Variants in PCDH15 observed in about 807,000 individuals in gnomAD.
The protein encoded by PCDH15 is protocadherin-15.
PCDH15 carries 129 observed loss-of-function variants against 178.5 expected under a neutral mutation model. The observed-to-expected ratio is 0.72, with a 90% confidence interval of 0.63 to 0.84. The LOEUF is 0.84. Among genes scored for constraint, PCDH15 ranks in the 40% least tolerant of loss-of-function variants. The probability of loss-of-function intolerance (pLI) is 0.00; values close to 1 mark genes in which losing one functional copy is unlikely to be tolerated. For synonymous variants in PCDH15, 800 were observed against 732.0 expected, an observed-to-expected ratio of 1.09 and a Z score of -1.50; for missense variants, 2,230 against 2,099.9, an observed-to-expected ratio of 1.06 and a Z score of -1.21.
intron 1 of PCDH15, among the ~76,000 whole-genome samples, chr10:54,721,639 A>G (rs571239439): frequency 6.6e-6 from 1 of 151,864 alleles, no homozygotes; most frequent in Non-Finnish European, 1.5e-5. Context: ...GCATTTCTAG[A>G]AAAACAGACA....
Position 54,538,661 on chromosome 10 carries a change from G to A in PCDH15, c.92-10784C>T, listed in dbSNP as rs184682121. On this transcript the variant is annotated intron_variant, in intron 2 of 37. Coordinates refer to ENST00000644397, the MANE Select transcript of PCDH15 (RefSeq NM_001384140.1). Reference sequence around the variant, plus strand: ...GGTGGGATAAAACTGGATCATGGGTGTAGGATTTGCCCTTGCTGTTCTTGT... The same window carrying A: ...GGTGGGATAAAACTGGATCATGGGTATAGGATTTGCCCTTGCTGTTCTTGT... Among the ~76,000 whole-genome samples the A allele has an allele frequency of 9.5e-3, 1,448 of 152,230 alleles. 19 individuals are homozygous for A. The highest frequency in any genetic ancestry group is 0.033 in the African/African-American group (1,367 of 41,536).
At chr10:54,886,866 C>A (rs1298789612) in intron 3 of PCDH15, among the ~76,000 whole-genome samples, 3 of 152,208 alleles carry the variant, frequency 2.0e-5, no homozygotes, top group African/African-American at 7.2e-5. Flanking sequence ...CCATTTCTGT[C>A]CACATTTCTA....
intron 2 of PCDH15, among the ~76,000 whole-genome samples, chr10:55,112,408 C>T (rs371694108): frequency 2.6e-5 from 4 of 151,582 alleles, no homozygotes; most frequent in African/African-American, 4.8e-5. Flanking sequence ...ATTGGGAAAG[C>T]GAAGCAGGAA....
intron 2 of PCDH15, among the ~76,000 whole-genome samples, chr10:54,604,094 T>C (rs1221534208): frequency 6.6e-6 from 1 of 152,046 alleles, no homozygotes; most frequent in East Asian, 1.9e-4. Flanking sequence ...GGTTTCTTGT[T>C]TCTTTACCAT....
chr10:55,471,200 C>T (rs905460881), intron 2 of PCDH15, among the ~76,000 whole-genome samples: 21 of 152,116 alleles, frequency 1.4e-4, no homozygotes, highest in African/African-American at 5.1e-4. Flanking sequence ...ACTCTTTTTC[C>T]CCTAAAGTTT....
At chr10:54,004,724 T>C (rs1334756061) in intron 20 of PCDH15, among the ~76,000 whole-genome samples, 1 of 152,024 alleles carries the variant, frequency 6.6e-6, no homozygotes, top group African/African-American at 2.4e-5. Context: ...AAAATGTCCA[T>C]ACTACTCAAA....
intron 2 of PCDH15, among the ~76,000 whole-genome samples, chr10:54,997,792 T>C (rs1308094524): frequency 1.3e-5 from 2 of 152,100 alleles, no homozygotes; most frequent in Non-Finnish European, 2.9e-5. Flanking sequence ...CTAGATAAAC[T>C]GCTAAAAAAA....
At chr10:55,485,653 C>T (rs1840279048) in intron 2 of PCDH15, among the ~76,000 whole-genome samples, 1 of 151,372 alleles carries the variant, frequency 6.6e-6, no homozygotes, top group Non-Finnish European at 1.5e-5. Flanking sequence ...TATATATATG[C>T]CAAGGATTTA....
rs755874514 is a variant in PCDH15 at position 54,752,476 on chromosome 10, CAAAAAAAAAAAA to C, written c.-29+48437_-29+48448del. ...TGGGTGACAGAACGAGACTCCGTCT[CAAAAAAAAAAAA>C]AAACAAAAAACAAAAAACAAAAAAC... On this transcript the variant is annotated intron_variant, in intron 1 of 37. Transcript: ENST00000644397. 5.9e-4 allele frequency among the ~76,000 whole-genome samples: 53 copies of C among 89,766 alleles called. 1 individual carries two copies. The highest frequency in any genetic ancestry group is 1.2e-3 in the Non-Finnish European group (48 of 40,176). 58.9% of individuals were successfully genotyped at this position (89,766 alleles called of 152,430 possible).
intron 1 of PCDH15, among the ~76,000 whole-genome samples, chr10:54,754,309 C>A (rs1946767297): frequency 6.6e-6 from 1 of 152,008 alleles, no homozygotes; most frequent in Non-Finnish European, 1.5e-5. Context: ...AACATTGAGC[C>A]AAGGATGAAT....
intron 1 of PCDH15, among the ~76,000 whole-genome samples, chr10:54,736,931 A>C (rs969945143): frequency 6.6e-6 from 1 of 152,062 alleles, no homozygotes; most frequent in African/African-American, 2.4e-5. Context: ...GTCTTCAAAA[A>C]GGTCAAATAA....
intron 15 of PCDH15, among the ~76,000 whole-genome samples, chr10:54,105,117 A>G (rs4641370): frequency 0.6 from 89,381 of 149,956 alleles, 27,518 homozygotes; most frequent in Middle Eastern, 0.68. Context: ...ATCATATTAA[A>G]CAGCCAACTC....
At chr10:55,256,689 C>T (rs1375338606) in intron 1 of PCDH15, among the ~76,000 whole-genome samples, 1 of 152,200 alleles carries the variant, frequency 6.6e-6, no homozygotes, top group East Asian at 1.9e-4. Context: ...GGGCGCCCGC[C>T]ATTGCTCAGG....
Position 54,644,004 on chromosome 10 carries a change from T to G in PCDH15, c.91+20168A>C, listed in dbSNP as rs866968344. Reference sequence around the variant, plus strand: ...CCACAACAGTCCCCAGAGTGTGATGTTCCCCTTCCTGTGTCCATGTGTTCT... The same window carrying G: ...CCACAACAGTCCCCAGAGTGTGATGGTCCCCTTCCTGTGTCCATGTGTTCT... On this transcript the variant is annotated intron_variant, in intron 2 of 37. Coordinates refer to ENST00000644397, the MANE Select transcript of PCDH15 (RefSeq NM_001384140.1). Among the ~76,000 whole-genome samples, 3 of 115,158 alleles carry G rather than the reference T, an allele frequency of 2.6e-5. No homozygotes were observed. In the South Asian group the frequency reaches 9.5e-4, roughly 36 times the overall value. The allele number at this position is 115,158 out of a possible 152,430, so 75.5% of individuals were successfully genotyped here.
intron 2 of PCDH15, among the ~76,000 whole-genome samples, chr10:54,909,037 G>A (rs1954774118): frequency 1.3e-5 from 2 of 152,184 alleles, no homozygotes; most frequent in African/African-American, 4.8e-5. Flanking sequence ...TCAGCAGAGA[G>A]GGTAGTTTCT....
chr10:53,952,992 G>A (rs2087229461), intron 23 of PCDH15, among the ~76,000 whole-genome samples: 1 of 152,234 alleles, frequency 6.6e-6, no homozygotes, highest in Admixed American at 6.5e-5. Flanking sequence ...GGGGGCCCAG[G>A]TCCACAGTCT....
chr10:54,449,963 G>C (rs938758881), intron 3 of PCDH15, among the ~76,000 whole-genome samples: 1 of 151,430 alleles, frequency 6.6e-6, no homozygotes, highest in East Asian at 1.9e-4. Flanking sequence ...ACTATGCACT[G>C]TATCATCAGT....
chr10:54,708,808 G>A (rs1021948975), intron 1 of PCDH15, among the ~76,000 whole-genome samples: 6 of 151,742 alleles, frequency 4.0e-5, no homozygotes, highest in Admixed American at 3.3e-4. Flanking sequence ...GTGTGCGCGC[G>A]CGTGCGTGTG....
intron 2 of PCDH15, among the ~76,000 whole-genome samples, chr10:55,391,169 A>G (rs909817806): frequency 6.6e-6 from 1 of 152,022 alleles, no homozygotes; most frequent in Non-Finnish European, 1.5e-5. Flanking sequence ...TCTTAGCTAG[A>G]TCATCTGGAT....
Sources: allele counts gnomAD v4.1 joint callset (sites outside exome capture counted in the v4.1 genomes callset), GRCh38; gene constraint gnomAD v4.1.1; transcripts MANE v1.5; gene names NCBI Gene and HGNC (gene_info 2026-07-23, HGNC 2026-07-21).